The following RMDN1 variants were observed in gnomAD, a reference collection of about 807,000 sequenced individuals.
RMDN1 encodes the protein regulator of microtubule dynamics 1.
In RMDN1, 48 loss-of-function variants were observed where a neutral mutation model predicts 48.9. The ratio of observed to expected loss-of-function variants is 0.98; its 90% CI spans 0.78 to 1.25. RMDN1 has a LOEUF of 1.25. RMDN1 is among the 50% of genes most tolerant of loss of function. The probability of loss-of-function intolerance (pLI) is 0.00; values close to 1 mark genes in which losing one functional copy is unlikely to be tolerated. For missense variants in RMDN1, 418 were observed against 373.4 expected (o/e 1.12, Z -0.98); for synonymous variants, 148 against 132.6 (o/e 1.12, Z -0.80).
At chr8:86,508,742 T>TCCGCCTCCTGCACAGCACCTCTA, upstream of RMDN1, 1 of 1,394,694 alleles carries the variant, frequency 7.2e-7, no homozygotes, top group East Asian at 2.8e-5. Flanking sequence ...CAGCACCTCT[T>TCCGCCTCCTGCACAGCACCTCTA]CCGCCTCCTG....
intron 2 of RMDN1, among the ~76,000 whole-genome samples, chr8:86,489,806 G>C (rs1370260279): frequency 6.6e-6 from 1 of 150,838 alleles, no homozygotes; most frequent in Admixed American, 6.6e-5. Context: ...CTCCAGCCTG[G>C]GCGATACAGC....
intron 2 of RMDN1, among the ~76,000 whole-genome samples, chr8:86,501,484 A>T (rs1400302020): frequency 6.6e-6 from 1 of 152,012 alleles, no homozygotes; most frequent in East Asian, 1.9e-4. Context: ...ACCAGCCCAG[A>T]CAACATGGTG....
chr8:86,494,928 C>T (rs534955583), intron 2 of RMDN1: 253 of 438,748 alleles, frequency 5.8e-4, no homozygotes, highest in African/African-American at 4.8e-3. Context: ...GAGCTGAGAT[C>T]GCACCTCCAC....
At position 86,480,277 on chromosome 8, in the gene RMDN1, C is replaced by A; in HGVS notation, c.641G>T (p.Trp214Leu). 1.3e-6 allele frequency: 2 copies of A among 1,507,090 alleles called. No homozygotes were observed. Among genetic ancestry groups the A allele is most frequent in the South Asian group, 1.3e-5 (1 of 78,576 alleles). 93.4% of individuals were successfully genotyped at this position (1,507,090 alleles called of 1,614,324 possible). A position where few individuals can be genotyped will look rare whatever the true frequency, so the allele number is the denominator to read the frequency against. Residue 214 changes from tryptophan (W) to leucine (L), a missense_variant and splice_region_variant, in exon 6 of 10, where the codon TGG (tryptophan) becomes TTG (leucine). Trp to Leu is a moderately conservative substitution (Grantham distance 61, BLOSUM62 -2). Coordinates refer to ENST00000406452, the MANE Select transcript of RMDN1 (RefSeq NM_016033.3). The stretch of plus-strand genomic sequence containing the variant: ...GAAATATTTAAAGAAATTTTCTTAC[C>A]AAATACCCATAAGGTGAATTGAAGT... ...DATSIHLMGI[W>L]CYTFAEMPWY...
chr8:86,499,850 A>G (rs1461297247), intron 2 of RMDN1, among the ~76,000 whole-genome samples: 1 of 152,244 alleles, frequency 6.6e-6, no homozygotes, highest in Non-Finnish European at 1.5e-5. Context: ...CACATAGGCC[A>G]TGGAACAGGT....
intron 2 of RMDN1, among the ~76,000 whole-genome samples, chr8:86,488,952 T>A (rs1297335610): frequency 1.3e-5 from 2 of 152,126 alleles, no homozygotes; most frequent in African/African-American, 4.8e-5. Context: ...GCTAAAAAAA[T>A]TCCAAAAACT....
chr8:86,482,562 A>C, intron 5 of RMDN1: 2 of 739,284 alleles, frequency 2.7e-6, no homozygotes, highest in Non-Finnish European at 5.1e-6. Context: ...TGCCTGTCAA[A>C]TTCACTAAGA....
intron 2 of RMDN1, among the ~76,000 whole-genome samples, chr8:86,493,464 G>C (rs1816836231): frequency 6.6e-6 from 1 of 152,124 alleles, no homozygotes; most frequent in Non-Finnish European, 1.5e-5. Flanking sequence ...AAAAAAAGTA[G>C]CACACATACA....
chr8:86,485,188 G>A (rs1395614183), intron 4 of RMDN1, among the ~76,000 whole-genome samples: 1 of 152,208 alleles, frequency 6.6e-6, no homozygotes. Flanking sequence ...AGTACTTTGG[G>A]AGGCCGAGGT....
chr8:86,492,224 T>C (rs987942110), intron 2 of RMDN1, among the ~76,000 whole-genome samples: 2 of 152,082 alleles, frequency 1.3e-5, no homozygotes, highest in Non-Finnish European at 2.9e-5. Flanking sequence ...AAAAACAAAC[T>C]AAAAAATAAA....
At chr8:86,498,010 C>T (rs149881405) in intron 2 of RMDN1, among the ~76,000 whole-genome samples, 22 of 151,060 alleles carry the variant, frequency 1.5e-4, no homozygotes, top group African/African-American at 2.2e-4. Flanking sequence ...GCATGAGAGT[C>T]GCTTGAACCC....
intron 8 of RMDN1, among the ~76,000 whole-genome samples, chr8:86,476,334 G>A (rs532925962): frequency 6.6e-6 from 1 of 152,304 alleles, no homozygotes; most frequent in East Asian, 1.9e-4. Flanking sequence ...ATGAATTACA[G>A]AGATAAAACA....
chr8:86,504,593 T>C (rs546259030), intron 2 of RMDN1: 198 of 1,037,216 alleles, frequency 1.9e-4, no homozygotes, highest in Admixed American at 2.4e-4. Flanking sequence ...CTGCATATGA[T>C]AGGCCTTGGA....
intron 4 of RMDN1, among the ~76,000 whole-genome samples, chr8:86,485,254 A>C (rs1364925841): frequency 1.3e-5 from 2 of 152,080 alleles, no homozygotes; most frequent in Admixed American, 6.6e-5. Context: ...GTGAAACCTT[A>C]TCTCTACTAA....
At chr8:86,513,790 T>C (rs967893587) in intron 1 of RMDN1, among the ~76,000 whole-genome samples, 1 of 152,180 alleles carries the variant, frequency 6.6e-6, no homozygotes, top group Non-Finnish European at 1.5e-5. Flanking sequence ...TAAATAAGCA[T>C]ATAAGCATGG....
At chr8:86,482,930 G>A (rs1814786973) in intron 5 of RMDN1, 2 of 855,384 alleles carry the variant, frequency 2.3e-6, no homozygotes, top group Non-Finnish European at 2.0e-6. Context: ...TCCTCCAGAG[G>A]CAGGTGGGCT....
intron 2 of RMDN1, among the ~76,000 whole-genome samples, chr8:86,503,405 A>T (rs2131265500): frequency 6.7e-6 from 1 of 149,944 alleles, no homozygotes; most frequent in South Asian, 2.1e-4. Context: ...AAAAATAACA[A>T]AAATAACTTG....
At chr8:86,482,731 G>A in intron 5 of RMDN1, 1 of 1,009,356 alleles carries the variant, frequency 9.9e-7, no homozygotes, top group East Asian at 2.4e-5. Context: ...ATCACAATGT[G>A]TCAAGCAGGT....
Position 86,473,625 on chromosome 8 carries a change from G to T in RMDN1, c.*683C>A. On this transcript the variant is annotated 3_prime_UTR_variant, in exon 10 of 10. Coordinates refer to ENST00000406452, the MANE Select transcript of RMDN1 (RefSeq NM_016033.3). ...TACCAAAAATACAAAAGTTAGCCGA[G>T]TGTGGTGGTACAACCCTGTAATCCC... The T allele has an allele frequency of 2.7e-6, 1 of 366,094 alleles. No homozygotes were observed. The highest frequency in any genetic ancestry group is 3.8e-6 in the Non-Finnish European group (1 of 264,134). The allele number at this position is 366,094 out of a possible 1,614,324, so 22.7% of individuals were successfully genotyped here. A position where few individuals can be genotyped will look rare whatever the true frequency, so the allele number is the denominator to read the frequency against.
Sources: gnomAD v4.1 joint callset for allele counts (sites outside exome capture counted in the v4.1 genomes callset) on GRCh38, gnomAD v4.1.1 for gene constraint, MANE v1.5 for transcripts, NCBI Gene and HGNC (gene_info 2026-07-23, HGNC 2026-07-21) for gene names.